Variants in RBFOX1 observed in about 807,000 individuals in gnomAD.
The protein encoded by RBFOX1 is RNA binding fox-1 homolog 1, also known as RNA binding protein fox-1 homolog 1.
RBFOX1 carries 8 observed loss-of-function variants against 57.7 expected under a neutral mutation model. The observed-to-expected ratio is 0.14, with a 90% confidence interval of 0.08 to 0.25. The LOEUF (loss-of-function observed/expected upper bound fraction) is 0.25, where lower values mean the gene tolerates loss of function less well. RBFOX1 is among the 10% of genes least tolerant of loss of function. The probability of loss-of-function intolerance (pLI) is 1.00; values close to 1 mark genes in which losing one functional copy is unlikely to be tolerated. For synonymous variants in RBFOX1, 326 were observed against 222.4 expected (o/e 1.47, Z -4.15); for missense variants, 611 against 548.5 (o/e 1.11, Z -1.14).
In RBFOX1 at chr16:6,801,495, C is replaced by G. The variant is rs866684340; in HGVS notation, c.-16+146845C>G. Among the ~76,000 whole-genome samples, 59 of 152,048 alleles carry G rather than the reference C, an allele frequency of 3.9e-4. 2 individuals carry two copies. Among genetic ancestry groups the G allele is most frequent in the Middle Eastern group, 3.2e-3 (1 of 316 alleles). On this transcript the variant is annotated intron_variant, in intron 3 of 15. Coordinates refer to ENST00000550418, the MANE Select transcript of RBFOX1 (RefSeq NM_018723.4). ...AGATTATTGAGCCAGTTTATAGTGA[C>G]TCAATAAAATTCTGCTTGTCATGGG...
At chr16:6,665,303 A>T (rs2098724933) in intron 3 of RBFOX1, among the ~76,000 whole-genome samples, 1 of 152,026 alleles carries the variant, frequency 6.6e-6, no homozygotes, top group African/African-American at 2.4e-5. Flanking sequence ...CAGCTAAATG[A>T]CTTAAATGGA....
chr16:5,999,140 C>T (rs2060542266), intron 4 of RBFOX1, among the ~76,000 whole-genome samples: 1 of 152,168 alleles, frequency 6.6e-6, no homozygotes, highest in African/African-American at 2.4e-5. Flanking sequence ...ACTTTCTGAA[C>T]AGTCCTCTCT....
At chr16:5,911,216 C>T (rs557225040) in intron 4 of RBFOX1, among the ~76,000 whole-genome samples, 2 of 152,164 alleles carry the variant, frequency 1.3e-5, no homozygotes, top group Admixed American at 6.5e-5. Flanking sequence ...CCACCCTGTT[C>T]TCTAGGGCCT....
At chr16:7,299,995 C>G (rs1487687939) in intron 4 of RBFOX1, among the ~76,000 whole-genome samples, 1 of 152,180 alleles carries the variant, frequency 6.6e-6, no homozygotes, top group Non-Finnish European at 1.5e-5. Context: ...GAGGCTTATG[C>G]AATAAGATTG....
chr16:6,687,938 G>A (rs1440719690), intron 3 of RBFOX1, among the ~76,000 whole-genome samples: 1 of 152,224 alleles, frequency 6.6e-6, no homozygotes, highest in Non-Finnish European at 1.5e-5. Context: ...ATCATCTTGA[G>A]TGAGAGCTTC....
intron 4 of RBFOX1, among the ~76,000 whole-genome samples, chr16:7,266,268 C>G (rs575363799): frequency 1.3e-5 from 2 of 152,044 alleles, no homozygotes; most frequent in Non-Finnish European, 2.9e-5. Context: ...AGCCACCGTG[C>G]CCGGCCGGTA....
At chr16:6,740,085 T>C (rs2071597476) in intron 3 of RBFOX1, among the ~76,000 whole-genome samples, 1 of 152,196 alleles carries the variant, frequency 6.6e-6, no homozygotes, top group Non-Finnish European at 1.5e-5. Flanking sequence ...TAATGAGGAA[T>C]AGTCCAGTAA....
At chr16:5,743,060 A>T (rs1019437064) in intron 3 of RBFOX1, among the ~76,000 whole-genome samples, 10 of 152,032 alleles carry the variant, frequency 6.6e-5, no homozygotes, top group Non-Finnish European at 8.8e-5. Flanking sequence ...TTTTTTCTCC[A>T]AGTGCTTTTC....
chr16:6,979,067 C>T (rs1598972614), intron 3 of RBFOX1, among the ~76,000 whole-genome samples: 1 of 152,138 alleles, frequency 6.6e-6, no homozygotes, highest in Non-Finnish European at 1.5e-5. Context: ...TAGAGAGAAT[C>T]TGTATAAAAT....
chr16:7,227,213 G>A (rs371024052), intron 4 of RBFOX1, among the ~76,000 whole-genome samples: 95 of 151,580 alleles, frequency 6.3e-4, no homozygotes, highest in African/African-American at 2.2e-3. Context: ...TTCTTTAACT[G>A]TTGCAAAACA....
intron 2 of RBFOX1, among the ~76,000 whole-genome samples, chr16:6,474,281 C>T (rs1184927648): frequency 6.6e-6 from 1 of 152,148 alleles, no homozygotes; most frequent in African/African-American, 2.4e-5. Context: ...TAATTCATCC[C>T]AGAGCGGACG....
intron 4 of RBFOX1, among the ~76,000 whole-genome samples, chr16:7,403,457 T>A (rs2098278114): frequency 6.6e-6 from 1 of 152,140 alleles, no homozygotes; most frequent in South Asian, 2.1e-4. Flanking sequence ...GTGTTTTAGA[T>A]CCTGCATGTA....
At chr16:7,341,186 A>G (rs1027875484) in intron 4 of RBFOX1, among the ~76,000 whole-genome samples, 2 of 152,160 alleles carry the variant, frequency 1.3e-5, no homozygotes, top group East Asian at 1.9e-4. Context: ...AGGAGCCAGC[A>G]TGTTCACTTG....
At chr16:7,392,593 CCTT>C (rs1435538020) in intron 4 of RBFOX1, among the ~76,000 whole-genome samples, 1 of 152,200 alleles carries the variant, frequency 6.6e-6, no homozygotes, top group African/African-American at 2.4e-5. Context: ...GATGGCCCCT[CCTT>C]CTTCTTGGGC....
chr16:7,019,097 T>C (rs1387308729), intron 3 of RBFOX1, among the ~76,000 whole-genome samples: 4 of 152,132 alleles, frequency 2.6e-5, no homozygotes, highest in African/African-American at 9.7e-5. Flanking sequence ...TGTCTGTGTG[T>C]GTATGTGTAA....
At chr16:6,371,337 T>A (rs1200439467) in intron 2 of RBFOX1, among the ~76,000 whole-genome samples, 1 of 152,222 alleles carries the variant, frequency 6.6e-6, no homozygotes, top group Non-Finnish European at 1.5e-5. Flanking sequence ...CTTATATGTG[T>A]GGGTTGGCAT....
chr16:5,479,424 C>T (rs1009046895), intron 2 of RBFOX1, among the ~76,000 whole-genome samples: 6 of 152,162 alleles, frequency 3.9e-5, no homozygotes, highest in Admixed American at 6.5e-5. Context: ...TGCAAAGCCA[C>T]GCCAAGGCTG....
At chr16:5,504,454 G>C (rs2043308087) in intron 2 of RBFOX1, among the ~76,000 whole-genome samples, 1 of 152,234 alleles carries the variant, frequency 6.6e-6, no homozygotes, top group South Asian at 2.1e-4. Context: ...CAATGGCATT[G>C]ACCTTTCTGA....
intron 4 of RBFOX1, among the ~76,000 whole-genome samples, chr16:7,471,093 C>T (rs982295474): frequency 1.3e-5 from 2 of 152,040 alleles, no homozygotes; most frequent in African/African-American, 4.8e-5. Flanking sequence ...CCCAACCAGT[C>T]TCTCTATAAA....
Sources: gnomAD v4.1 joint callset for allele counts (sites outside exome capture counted in the v4.1 genomes callset) on GRCh38, gnomAD v4.1.1 for gene constraint, MANE v1.5 for transcripts, NCBI Gene and HGNC (gene_info 2026-07-23, HGNC 2026-07-21) for gene names.